ABCC1: variants seen among roughly 807,000 people sequenced by gnomAD.
ABCC1 encodes multidrug resistance-associated protein 1.
A neutral mutation model predicts 172.9 loss-of-function variants in ABCC1; 83 were observed. That is an observed-to-expected ratio of 0.48 (90% CI 0.40 to 0.58). The LOEUF (loss-of-function observed/expected upper bound fraction) is 0.58, where lower values mean the gene tolerates loss of function less well. Ranked by LOEUF, ABCC1 falls within the 20% of genes least tolerant of loss-of-function variation. The probability of loss-of-function intolerance (pLI) is 0.00; values close to 1 mark genes in which losing one functional copy is unlikely to be tolerated. For missense variants in ABCC1, 1,817 were observed against 2,002.7 expected, an observed-to-expected ratio of 0.91 and a Z score of 1.77; for synonymous variants, 937 against 825.2, an observed-to-expected ratio of 1.14 and a Z score of -2.32.
chr16:15,952,223 G>T (rs1316314801), intron 1 of ABCC1, among the ~76,000 whole-genome samples: 1 of 152,216 alleles, frequency 6.6e-6, no homozygotes, highest in Non-Finnish European at 1.5e-5. Context: ...ATAAACAATG[G>T]TTAGTATTAA....
intron 21 of ABCC1, among the ~76,000 whole-genome samples, chr16:16,107,521 C>A (rs2052183084): frequency 6.6e-6 from 1 of 152,164 alleles, no homozygotes; most frequent in African/African-American, 2.4e-5. Flanking sequence ...AACTCCTGAC[C>A]TCAGGTGATC....
chr16:16,076,073 A>G, intron 14 of ABCC1: 1 of 508,164 alleles, frequency 2.0e-6, no homozygotes, highest in Non-Finnish European at 3.4e-6. Flanking sequence ...GATCGTCCAG[A>G]TGGCGCAACC....
chr16:16,057,396 T>C (rs978886656), intron 12 of ABCC1, among the ~76,000 whole-genome samples: 18 of 150,840 alleles, frequency 1.2e-4, no homozygotes, highest in African/African-American at 4.4e-4. Flanking sequence ...TAAAATAAAA[T>C]GTACTTATTT....
chr16:15,965,227 T>G (rs1320891740), intron 1 of ABCC1, among the ~76,000 whole-genome samples: 3 of 152,154 alleles, frequency 2.0e-5, no homozygotes, highest in African/African-American at 7.2e-5. Context: ...GTTGGTGGGC[T>G]ATAATCACAT....
intron 23 of ABCC1, among the ~76,000 whole-genome samples, chr16:16,116,184 G>A (rs531393235): frequency 6.6e-6 from 1 of 151,854 alleles, no homozygotes; most frequent in Admixed American, 6.6e-5. Context: ...GATTACAGGC[G>A]TGAGCCACTG....
intron 12 of ABCC1, among the ~76,000 whole-genome samples, chr16:16,059,439 A>G (rs2049811782): frequency 6.6e-6 from 1 of 152,104 alleles, no homozygotes; most frequent in South Asian, 2.1e-4. Context: ...GTATTTAGAG[A>G]CACCAAAATT....
intron 5 of ABCC1, among the ~76,000 whole-genome samples, chr16:16,021,717 C>T (rs563897655): frequency 3.0e-4 from 45 of 152,164 alleles, no homozygotes; most frequent in African/African-American, 7.9e-4. Flanking sequence ...AAACAAACAA[C>T]GAACAAATGA....
intron 28 of ABCC1, 128 bp downstream of exon 28, chr16:16,134,636 T>C: frequency 7.1e-6 from 8 of 1,131,532 alleles, no homozygotes; most frequent in Non-Finnish European, 9.7e-6. Context: ...TTTTTTTTTT[T>C]TTTTTTTTTT....
chr16:16,087,022 G>A (rs1348383099), intron 18 of ABCC1, 31 bp downstream of exon 18: 1 of 1,612,664 alleles, frequency 6.2e-7, no homozygotes, highest in South Asian at 1.1e-5. Flanking sequence ...GCTTGGTGTT[G>A]GGCCGTCTCG....
chr16:16,124,655 G>T, intron 24 of ABCC1, 134 bp from the exon 25 acceptor site: 1 of 1,306,042 alleles, frequency 7.7e-7, no homozygotes, highest in Non-Finnish European at 1.1e-6. Flanking sequence ...GCAGTGCCAG[G>T]AAGGACTCTC....
chr16:15,953,513 C>T (rs895497551), intron 1 of ABCC1, among the ~76,000 whole-genome samples: 2 of 152,182 alleles, frequency 1.3e-5, no homozygotes, highest in African/African-American at 2.4e-5. Context: ...AACGTAGTAC[C>T]TAGTGAATAG....
At chr16:16,111,041 C>T (rs1449748704) in intron 21 of ABCC1, among the ~76,000 whole-genome samples, 3 of 152,242 alleles carry the variant, frequency 2.0e-5, no homozygotes, top group Non-Finnish European at 2.9e-5. Flanking sequence ...GCTGGGATTA[C>T]AGATGCCGAC....
chr16:16,038,088 A>C (rs1476433628), intron 7 of ABCC1, among the ~76,000 whole-genome samples: 1 of 151,422 alleles, frequency 6.6e-6, no homozygotes, highest in East Asian at 1.9e-4. Context: ...TGGATGATAG[A>C]TTGATAGATG....
At chr16:16,035,925 G>A (rs2048737802) in intron 6 of ABCC1, among the ~76,000 whole-genome samples, 3 of 151,272 alleles carry the variant, frequency 2.0e-5, no homozygotes, top group Admixed American at 1.3e-4. Context: ...ACCAGCTTGG[G>A]CAACATAGGG....
At chr16:16,128,285 C>T (rs983463386) in intron 26 of ABCC1, among the ~76,000 whole-genome samples, 15 of 152,008 alleles carry the variant, frequency 9.9e-5, no homozygotes, top group African/African-American at 3.6e-4. Flanking sequence ...TCAAGCGATT[C>T]CCAGCCTCCT....
chr16:16,044,697 C>T lies in ABCC1; in HGVS notation c.1040+17C>T. The T allele has an allele frequency of 6.2e-7, 1 of 1,604,882 alleles. No individual in the cohort carries two copies. The highest frequency in any genetic ancestry group is 8.5e-7 in the Non-Finnish European group (1 of 1,171,704). ...GATCTTAAAGTAAGACCCCTTCCCT[C>T]CCAGGTGGGCTCCATTTTCCCTCCT... On this transcript the variant is annotated intron_variant, in intron 8 of 30. Transcript: ENST00000399410.
Position 16,084,547 on chromosome 16 carries a change from C to T in ABCC1, c.2292+1005C>T, listed in dbSNP as rs146695307. On this transcript the variant is annotated intron_variant, in intron 17 of 30. Transcript: ENST00000399410. ...CACAGCTAATTTTTGTATTTTTATTCGAGGCAGGGTTTCACCATGTTGGCC... is the reference window on the plus strand; with the variant it reads ...CACAGCTAATTTTTGTATTTTTATTTGAGGCAGGGTTTCACCATGTTGGCC... Among the ~76,000 whole-genome samples the T allele has an allele frequency of 2.2e-3, 292 of 132,222 alleles. 8 individuals are homozygous for T. In the East Asian group the frequency reaches 0.056, roughly 25 times the overall value. The allele number at this position is 132,222 out of a possible 152,430, so 86.7% of individuals were successfully genotyped here. A position where few individuals can be genotyped will look rare whatever the true frequency, so the allele number is the denominator to read the frequency against.
At position 15,978,566 on chromosome 16, in the gene ABCC1, A is replaced by G. The variant is rs143467215; in HGVS notation, c.48+28767A>G. Among the ~76,000 whole-genome samples, 473 of 152,184 alleles carry G rather than the reference A, an allele frequency of 3.1e-3. 5 individuals are homozygous for G. The highest frequency in any genetic ancestry group is 0.011 in the African/African-American group (458 of 41,498). ...GCCATTTATGGACAAATCGTATCTT[A>G]TATTCAAGATTCTAAGCTTTCTGAG... is the stretch of plus-strand genomic sequence containing the variant. On this transcript the variant is annotated intron_variant, in intron 1 of 30. Coordinates refer to ENST00000399410, the MANE Select transcript of ABCC1 (RefSeq NM_004996.4).
At chr16:15,995,200 G>A (rs1015243435) in intron 1 of ABCC1, among the ~76,000 whole-genome samples, 52 of 151,994 alleles carry the variant, frequency 3.4e-4, no homozygotes, top group African/African-American at 1.1e-3. Context: ...ACCAGGCCTG[G>A]TTCTGTATCT....
Sources: allele counts gnomAD v4.1 joint callset (sites outside exome capture counted in the v4.1 genomes callset), GRCh38; gene constraint gnomAD v4.1.1; transcripts MANE v1.5; gene names NCBI Gene and HGNC (gene_info 2026-07-23, HGNC 2026-07-21).